The following SWT1 variants were observed in gnomAD, a reference collection of about 807,000 sequenced individuals.
SWT1 encodes the protein SWT1 RNA endoribonuclease homolog.
A neutral mutation model predicts 107.3 loss-of-function variants in SWT1; 33 were observed. The observed-to-expected ratio is 0.31, with a 90% CI of 0.23 to 0.41. The LOEUF is 0.41. Ranked by LOEUF, SWT1 falls within the 10% of genes least tolerant of loss-of-function variation. The pLI is 1.00. For synonymous variants in SWT1, 345 were observed against 348.3 expected (o/e 0.99, Z 0.11); for missense variants, 898 against 1,028.9 (o/e 0.87, Z 1.74).
intron 14 of SWT1, among the ~76,000 whole-genome samples, chr1:185,216,312 G>C (rs1659211415): frequency 6.6e-6 from 1 of 152,142 alleles, no homozygotes; most frequent in South Asian, 2.1e-4. Flanking sequence ...TAGGGATTTA[G>C]AGGGTTATAG....
chr1:185,229,747 C>A (rs985372491), intron 15 of SWT1, among the ~76,000 whole-genome samples: 1 of 151,910 alleles, frequency 6.6e-6, no homozygotes, highest in East Asian at 1.9e-4. Context: ...ATTACATATT[C>A]TCTTTTTACA....
chr1:185,183,762 C>G (rs984745439), intron 7 of SWT1, among the ~76,000 whole-genome samples: 4 of 152,156 alleles, frequency 2.6e-5, no homozygotes, highest in Non-Finnish European at 4.4e-5. Context: ...TTATAGTATT[C>G]TACTGGTGGG....
In SWT1 at chr1:185,202,823, T is replaced by C. The variant is rs750788650; in HGVS notation, c.1669+24T>C. 7 of 1,330,622 alleles carry C rather than the reference T, an allele frequency of 5.3e-6. 1 individual carries two copies. The South Asian group carries it at 1.1e-4, about 22-fold the overall frequency. The allele number at this position is 1,330,622 out of a possible 1,614,324, so 82.4% of individuals were successfully genotyped here. A position where few individuals can be genotyped will look rare whatever the true frequency, so the allele number is the denominator to read the frequency against. ...AGGTAGTATTTTTACTATAAATAAT[T>C]AGAGATATATCTTATTTTATACACT... On this transcript the variant is annotated intron_variant, in intron 11 of 18. Coordinates refer to ENST00000367500, the MANE Select transcript of SWT1 (RefSeq NM_017673.7).
intron 16 of SWT1, among the ~76,000 whole-genome samples, chr1:185,234,439 CT>C (rs1442528547): frequency 1.3e-5 from 2 of 152,016 alleles, no homozygotes; most frequent in South Asian, 2.1e-4. Flanking sequence ...GCAACCCCTG[CT>C]TTTTTTTCTT....
chr1:185,199,853 C>G (rs1657719397), intron 10 of SWT1, among the ~76,000 whole-genome samples: 2 of 152,134 alleles, frequency 1.3e-5, no homozygotes, highest in Non-Finnish European at 2.9e-5. Flanking sequence ...CAACTTGGTT[C>G]CATTCTCCCT....
chr1:185,227,266 A>G, intron 15 of SWT1: 1 of 759,274 alleles, frequency 1.3e-6, no homozygotes, highest in Non-Finnish European at 2.4e-6. Context: ...GCATCCAAAT[A>G]GCAGGTAAAG....
chr1:185,207,103 G>T (rs572950764), intron 13 of SWT1, among the ~76,000 whole-genome samples: 3 of 152,316 alleles, frequency 2.0e-5, no homozygotes, highest in South Asian at 4.1e-4. Context: ...TACACCAATA[G>T]AATTAATTAG....
At chr1:185,189,946 T>C (rs1309319251) in intron 9 of SWT1, among the ~76,000 whole-genome samples, 1 of 151,920 alleles carries the variant, frequency 6.6e-6, no homozygotes, top group African/African-American at 2.4e-5. Context: ...CCTCCCAGGT[T>C]CAACTGATTC....
Position 185,258,892 on chromosome 1 carries a change from C to T in SWT1, c.2442-12431C>T, listed in dbSNP as rs180950023. Reference sequence around the variant, plus strand: ...TCACTCCTCACCTCTCCAAATAGTGCCTCTCTACCATTCTCCTTAGTTCTC... The same window carrying T: ...TCACTCCTCACCTCTCCAAATAGTGTCTCTCTACCATTCTCCTTAGTTCTC... On this transcript the variant is annotated intron_variant, in intron 16 of 18. Transcript: ENST00000367500. Among the ~76,000 whole-genome samples the T allele has an allele frequency of 8.6e-4, 131 of 152,112 alleles. 1 individual carries two copies. Among genetic ancestry groups the T allele is most frequent in the African/African-American group, 3.1e-3 (130 of 41,534 alleles).
At position 185,276,605 on chromosome 1, in the gene SWT1, T is replaced by C; in HGVS notation, c.2510T>C (p.Val837Ala). 2 of 1,567,596 alleles carry C rather than the reference T, an allele frequency of 1.3e-6. No individual in the cohort carries two copies. Among genetic ancestry groups the C allele is most frequent in the Non-Finnish European group, 1.7e-6 (2 of 1,144,098 alleles). Reference sequence around the variant, plus strand: ...TAACTATATCTTGGTTCCTTTCAGGTAAATAAAAATGTCAAATTTACTGCC... The same window carrying C: ...TAACTATATCTTGGTTCCTTTCAGGCAAATAAAAATGTCAAATTTACTGCC... ...TLYNFLIKYE[V>A]NKNVKFTAQE... Residue 837 changes from valine (V) to alanine (A), a missense_variant and splice_region_variant, in exon 18 of 19, where the codon GTA becomes GCA. Around this residue, in one of 6 missense-constraint regions of SWT1, gnomAD observed 382 missense variants for 460.0 expected, o/e 0.83. Coordinates refer to ENST00000367500, the MANE Select transcript of SWT1 (RefSeq NM_017673.7).
At chr1:185,228,532 A>G (rs1660264187) in intron 15 of SWT1, among the ~76,000 whole-genome samples, 1 of 152,138 alleles carries the variant, frequency 6.6e-6, no homozygotes, top group Non-Finnish European at 1.5e-5. Flanking sequence ...AAAAAAAGAT[A>G]CATTTTCAAG....
At chr1:185,242,927 A>G (rs1481625021) in intron 16 of SWT1, among the ~76,000 whole-genome samples, 1 of 152,230 alleles carries the variant, frequency 6.6e-6, no homozygotes, top group Non-Finnish European at 1.5e-5. Flanking sequence ...GAAATTAGGG[A>G]GAAATCAATA....
intron 4 of SWT1, among the ~76,000 whole-genome samples, chr1:185,172,784 C>T (rs934906366): frequency 1.3e-5 from 2 of 152,052 alleles, no homozygotes; most frequent in Non-Finnish European, 2.9e-5. Context: ...TGCGGTGGCT[C>T]ACACCTGTAA....
At chr1:185,212,063 G>C (rs1658860831) in intron 13 of SWT1, among the ~76,000 whole-genome samples, 1 of 152,018 alleles carries the variant, frequency 6.6e-6, no homozygotes, top group African/African-American at 2.4e-5. Flanking sequence ...TTGTGGGGTG[G>C]GGGGAGTGGG....
intron 16 of SWT1, among the ~76,000 whole-genome samples, chr1:185,234,749 G>A (rs939777750): frequency 1.7e-4 from 26 of 152,132 alleles, no homozygotes; most frequent in Non-Finnish European, 3.7e-4. Context: ...TGCAGTGGCT[G>A]GTACCGGTTG....
intron 15 of SWT1, among the ~76,000 whole-genome samples, chr1:185,223,149 T>TAA (rs1284402471): frequency 2.2e-4 from 34 of 152,320 alleles, no homozygotes; most frequent in African/African-American, 7.2e-4. Flanking sequence ...ATGGCACCAC[T>TAA]AATTTACAAA....
chr1:185,208,719 C>T (rs774563379), intron 13 of SWT1, among the ~76,000 whole-genome samples: 1 of 150,728 alleles, frequency 6.6e-6, no homozygotes, highest in African/African-American at 2.4e-5. Flanking sequence ...ATGTCTCATC[C>T]ATGTTAGATG....
intron 18 of SWT1, among the ~76,000 whole-genome samples, chr1:185,277,904 C>T (rs534724148): frequency 1.3e-5 from 2 of 151,858 alleles, no homozygotes; most frequent in South Asian, 2.1e-4. Flanking sequence ...ACACTATATA[C>T]TTTTTTTTCC....
intron 10 of SWT1, among the ~76,000 whole-genome samples, chr1:185,198,656 G>A (rs565675562): frequency 7.2e-5 from 11 of 151,806 alleles, no homozygotes; most frequent in Non-Finnish European, 1.5e-4. Context: ...AGCTCTTCTT[G>A]TTGCATTGAT....
Sources: allele counts gnomAD v4.1 joint callset (sites outside exome capture counted in the v4.1 genomes callset), GRCh38; gene constraint gnomAD v4.1.1; regional missense constraint gnomAD v4.1.1; transcripts MANE v1.5; gene names NCBI Gene and HGNC (gene_info 2026-07-23, HGNC 2026-07-21).